The following MNAT1 variants were observed in gnomAD, a reference collection of about 807,000 sequenced individuals.
The protein encoded by MNAT1 is MNAT1 component of CDK activating kinase.
MNAT1 carries 43 observed loss-of-function variants against 42.0 expected under a neutral mutation model. The observed-to-expected ratio is 1.02, with a 90% CI of 0.80 to 1.32. MNAT1 has a LOEUF of 1.32. Ranked by LOEUF, MNAT1 falls within the 40% of genes most tolerant of loss-of-function variation. The pLI is 0.00. For synonymous variants in MNAT1, 118 were observed against 120.0 expected, an observed-to-expected ratio of 0.98 and a Z score of 0.11; for missense variants, 306 against 350.4, an observed-to-expected ratio of 0.87 and a Z score of 1.01.
intron 7 of MNAT1, chr14:60,919,859 A>G (rs939685034): frequency 7.4e-5 from 12 of 161,146 alleles, no homozygotes; most frequent in South Asian, 7.0e-4. Flanking sequence ...CCTGTCCTCA[A>G]TAATCACCGC....
At chr14:60,937,217 G>A (rs2036017249) in intron 7 of MNAT1, among the ~76,000 whole-genome samples, 1 of 152,134 alleles carries the variant, frequency 6.6e-6, no homozygotes, top group Non-Finnish European at 1.5e-5. Flanking sequence ...CTGTGCAGAA[G>A]CTCTTTAGTT....
In MNAT1 at chr14:60,911,137, G is replaced by T. The variant is rs201362186; in HGVS notation, c.809+31302G>T. Among the ~76,000 whole-genome samples the T allele has an allele frequency of 7.9e-5, 12 of 152,164 alleles. No individual in the cohort carries two copies. The East Asian group carries it at 1.9e-3, about 24-fold the overall frequency. On this transcript the variant is annotated intron_variant, in intron 7 of 7. Transcript: ENST00000261245. ...AGAGGTGTTTATAGTATTCTCTGAT[G>T]GTAGTTTGTATTTCTGTGGGATCGG... is the stretch of plus-strand genomic sequence containing the variant.
At chr14:60,915,198 A>G (rs1225785961) in intron 7 of MNAT1, among the ~76,000 whole-genome samples, 1 of 152,182 alleles carries the variant, frequency 6.6e-6, no homozygotes, top group Non-Finnish European at 1.5e-5. Flanking sequence ...TTTCTAAATA[A>G]CATCATCATA....
At chr14:60,795,889 G>A (rs1012811116) in intron 1 of MNAT1, among the ~76,000 whole-genome samples, 9 of 152,146 alleles carry the variant, frequency 5.9e-5, no homozygotes, top group Admixed American at 2.0e-4. Context: ...TATTGGGACT[G>A]GGGATGGAGG....
chr14:60,910,624 T>A (rs2035328252), intron 7 of MNAT1, among the ~76,000 whole-genome samples: 1 of 152,172 alleles, frequency 6.6e-6, no homozygotes, highest in South Asian at 2.1e-4. Context: ...TGCTGGATTA[T>A]GATTATTGAT....
intron 7 of MNAT1, among the ~76,000 whole-genome samples, chr14:60,911,303 G>A (rs976995412): frequency 1.3e-5 from 2 of 151,934 alleles, no homozygotes; most frequent in African/African-American, 4.8e-5. Flanking sequence ...TTTTTTAAGG[G>A]TTTTTTGTGT....
chr14:60,840,340 A>C (rs2033511831), intron 6 of MNAT1, among the ~76,000 whole-genome samples: 1 of 152,238 alleles, frequency 6.6e-6, no homozygotes. Flanking sequence ...GTTAAGAAAG[A>C]ACGAGGGTGG....
chr14:60,961,706 G>A (rs954415188), intron 7 of MNAT1, among the ~76,000 whole-genome samples: 2 of 151,994 alleles, frequency 1.3e-5, no homozygotes, highest in Admixed American at 1.3e-4. Context: ...TATTATCAGG[G>A]CTACTTCAAT....
intron 7 of MNAT1, among the ~76,000 whole-genome samples, chr14:60,952,571 A>G (rs1394249973): frequency 2.6e-5 from 4 of 152,168 alleles, no homozygotes; most frequent in Admixed American, 6.5e-5. Context: ...TATTCAGGAG[A>G]AAGAGCATTC....
chr14:60,788,940 G>A (rs186066283), intron 1 of MNAT1, among the ~76,000 whole-genome samples: 33 of 152,260 alleles, frequency 2.2e-4, no homozygotes, highest in Admixed American at 1.8e-3. Flanking sequence ...TGTCATTGGC[G>A]CAGTGCTTTT....
intron 7 of MNAT1, among the ~76,000 whole-genome samples, chr14:60,950,590 TTTTTG>T (rs2036362699): frequency 6.6e-6 from 1 of 152,136 alleles, no homozygotes; most frequent in African/African-American, 2.4e-5. Flanking sequence ...ACATTATGAC[TTTTTG>T]TTTTGTTTTA....
chr14:60,859,552 A>G (rs1000502577), intron 6 of MNAT1, among the ~76,000 whole-genome samples: 1 of 152,230 alleles, frequency 6.6e-6, no homozygotes, highest in East Asian at 1.9e-4. Context: ...GACACTTACT[A>G]AAAATTTAAA....
chr14:60,898,523 G>A (rs2035009235), intron 7 of MNAT1, among the ~76,000 whole-genome samples: 1 of 152,026 alleles, frequency 6.6e-6, no homozygotes, highest in Admixed American at 6.6e-5. Context: ...GTGATGTTGA[G>A]CATTTTTTCA....
At chr14:60,942,542 A>C (rs867510584) in intron 7 of MNAT1, among the ~76,000 whole-genome samples, 2 of 149,544 alleles carry the variant, frequency 1.3e-5, no homozygotes, top group African/African-American at 4.9e-5. Flanking sequence ...TTTTTCCACT[A>C]TCAGTGCCTA....
chr14:60,869,971 A>G (rs2034293835), intron 6 of MNAT1, among the ~76,000 whole-genome samples: 1 of 152,208 alleles, frequency 6.6e-6, no homozygotes, highest in Non-Finnish European at 1.5e-5. Context: ...ATAGATTAAC[A>G]GACAAATCTT....
chr14:60,887,289 G>A (rs2034699473), intron 7 of MNAT1, among the ~76,000 whole-genome samples: 1 of 151,134 alleles, frequency 6.6e-6, no homozygotes, highest in African/African-American at 2.4e-5. Context: ...TGCACAATGT[G>A]CAGGTTAGTT....
At chr14:60,915,684 A>G (rs2139539229) in intron 7 of MNAT1, among the ~76,000 whole-genome samples, 1 of 152,338 alleles carries the variant, frequency 6.6e-6, no homozygotes, top group East Asian at 1.9e-4. Flanking sequence ...GTTTGAAGGC[A>G]TGCAGTGTAG....
intron 6 of MNAT1, among the ~76,000 whole-genome samples, chr14:60,832,020 G>C (rs973306757): frequency 2.0e-5 from 3 of 151,998 alleles, no homozygotes; most frequent in Admixed American, 1.3e-4. Flanking sequence ...CTTTTTGATG[G>C]GATTGTTTGT....
At chr14:60,783,859 T>C (rs1360826731) in intron 1 of MNAT1, among the ~76,000 whole-genome samples, 2 of 152,030 alleles carry the variant, frequency 1.3e-5, no homozygotes, top group African/African-American at 4.8e-5. Context: ...AGATAGGGTC[T>C]TACTCTGTCA....
Sources: gnomAD v4.1 joint callset for allele counts (sites outside exome capture counted in the v4.1 genomes callset) on GRCh38, gnomAD v4.1.1 for gene constraint, MANE v1.5 for transcripts, NCBI Gene and HGNC (gene_info 2026-07-23, HGNC 2026-07-21) for gene names.